The following NEXN variants were observed in gnomAD, a reference collection of about 807,000 sequenced individuals.
NEXN encodes the protein nexilin.
NEXN carries 65 observed loss-of-function variants against 92.6 expected under a neutral mutation model. The ratio of observed to expected loss-of-function variants is 0.70; its 90% CI spans 0.57 to 0.86. The LOEUF (loss-of-function observed/expected upper bound fraction) is 0.86. Among genes scored for constraint, NEXN ranks in the 40% least tolerant of loss-of-function variants. The pLI is 0.00. For synonymous variants in NEXN, 254 were observed against 242.5 expected (o/e 1.05, Z -0.44); for missense variants, 778 against 771.1 (o/e 1.01, Z -0.11).
intron 5 of NEXN, among the ~76,000 whole-genome samples, chr1:77,919,568 CCAG>C (rs1159363733): frequency 6.6e-6 from 1 of 151,520 alleles, no homozygotes; most frequent in Non-Finnish European, 1.5e-5. Context: ...AGTCTGAAAT[CCAG>C]CAGGTCAGTC....
At chr1:77,899,025 G>T (rs369948894) in intron 1 of NEXN, among the ~76,000 whole-genome samples, 65 of 152,252 alleles carry the variant, frequency 4.3e-4, no homozygotes, top group South Asian at 1.2e-3. Context: ...CTGGAGAGGA[G>T]GTGGAGAAAT....
chr1:77,927,596 GTGTGTC>G (rs1203959236), intron 8 of NEXN, among the ~76,000 whole-genome samples: 10 of 145,896 alleles, frequency 6.9e-5, no homozygotes, highest in South Asian at 6.8e-4. Context: ...CTCTGTGTGT[GTGTGTC>G]TGTGTGTGTG....
Position 77,897,482 on chromosome 1 carries a change from A to G in NEXN, c.-53+8723A>G, listed in dbSNP as rs534162600. On this transcript the variant is annotated intron_variant, in intron 1 of 12. Transcript: ENST00000334785. ...CAATGCTTCATGCTAAAAACTCTCA[A>G]TAAATTAGGTATTGATGGGATGTAT... Among the ~76,000 whole-genome samples, 395 of 152,372 alleles carry G rather than the reference A, an allele frequency of 2.6e-3. 1 individual carries two copies. Among genetic ancestry groups the G allele is most frequent in the Non-Finnish European group, 4.3e-3 (290 of 68,044 alleles).
intron 1 of NEXN, among the ~76,000 whole-genome samples, chr1:77,914,419 T>TA (rs548461498): frequency 1.5e-4 from 22 of 149,016 alleles, no homozygotes; most frequent in Non-Finnish European, 3.1e-4. Context: ...TAAACTCTAT[T>TA]AAAAAAAAAG....
At chr1:77,910,757 A>AC (rs1303851831) in intron 1 of NEXN, among the ~76,000 whole-genome samples, 8 of 114,064 alleles carry the variant, frequency 7.0e-5, no homozygotes, top group African/African-American at 2.2e-4. Context: ...TCAAAAAAAA[A>AC]AAAAAAAAAA....
chr1:77,914,513 T>C (rs565207958), intron 1 of NEXN, among the ~76,000 whole-genome samples: 2 of 152,212 alleles, frequency 1.3e-5, no homozygotes, highest in South Asian at 2.1e-4. Flanking sequence ...CCTAAACTCA[T>C]TGATATTAAT....
intron 1 of NEXN, among the ~76,000 whole-genome samples, chr1:77,895,261 G>A (rs778569115): frequency 6.7e-4 from 101 of 151,384 alleles, no homozygotes; most frequent in Non-Finnish European, 1.3e-3. Context: ...TAGCCAGGAT[G>A]GTCTCGATCT....
At chr1:77,922,887 G>A (rs1019129075) in intron 5 of NEXN, among the ~76,000 whole-genome samples, 4 of 151,836 alleles carry the variant, frequency 2.6e-5, no homozygotes, top group Admixed American at 1.3e-4. Flanking sequence ...GAGCCACAGC[G>A]CCTGGCCACA....
intron 11 of NEXN, among the ~76,000 whole-genome samples, chr1:77,937,667 C>T (rs1404253836): frequency 6.6e-6 from 1 of 151,780 alleles, no homozygotes; most frequent in African/African-American, 2.4e-5. Context: ...CTAGCCTTGG[C>T]GACAGAGCGA....
intron 11 of NEXN, among the ~76,000 whole-genome samples, chr1:77,937,955 G>T (rs959035796): frequency 1.3e-5 from 2 of 152,154 alleles, no homozygotes; most frequent in African/African-American, 2.4e-5. Context: ...GGCGGCCTGA[G>T]GATTTGAACT....
intron 1 of NEXN, among the ~76,000 whole-genome samples, chr1:77,899,629 G>A (rs1361158442): frequency 6.6e-6 from 1 of 151,344 alleles, no homozygotes; most frequent in East Asian, 1.9e-4. Context: ...TGCACATTGT[G>A]CACATTAAAA....
intron 6 of NEXN, among the ~76,000 whole-genome samples, chr1:77,926,028 G>C (rs1050451545): frequency 1.3e-5 from 2 of 152,054 alleles, no homozygotes; most frequent in African/African-American, 2.4e-5. Flanking sequence ...AAAATCATAT[G>C]AGGAAACTTT....
rs561366275 is a variant in NEXN at position 77,938,513 on chromosome 1, G to A, written c.1473+2469G>A. On this transcript the variant is annotated intron_variant, in intron 11 of 12. Coordinates refer to ENST00000334785, the MANE Select transcript of NEXN (RefSeq NM_144573.4). The stretch of plus-strand genomic sequence containing the variant: ...AAAATACAAAAATTAGCTGGGCGTG[G>A]TGGCACGGGTCTATAGTCCCAGCTA... Among the ~76,000 whole-genome samples, 11 of 151,540 alleles carry A rather than the reference G, an allele frequency of 7.3e-5. No individual in the cohort carries two copies. In the South Asian group the frequency reaches 2.3e-3, roughly 32 times the overall value.
At chr1:77,900,067 C>A (rs1647575078) in intron 1 of NEXN, among the ~76,000 whole-genome samples, 1 of 152,078 alleles carries the variant, frequency 6.6e-6, no homozygotes, top group South Asian at 2.1e-4. Flanking sequence ...TAGGTAATAT[C>A]TGAACTTTTT....
intron 1 of NEXN, among the ~76,000 whole-genome samples, chr1:77,905,158 A>G (rs2102058405): frequency 6.6e-6 from 1 of 152,048 alleles, no homozygotes; most frequent in South Asian, 2.1e-4. Context: ...GCTACTCAGG[A>G]TGCTGAGGCA....
intron 11 of NEXN, among the ~76,000 whole-genome samples, chr1:77,937,561 T>A (rs770271201): frequency 6.6e-6 from 1 of 150,810 alleles, no homozygotes; most frequent in African/African-American, 2.4e-5. Context: ...TAATGGCGGG[T>A]GCCTATAATC....
In NEXN at chr1:77,933,298, C is replaced by T. The variant is rs754403259; in HGVS notation, c.1070C>T (p.Ser357Phe). The change falls in exon 10 of 13, where the codon TCC becomes TTC. Residue 357 changes from serine to phenylalanine, a missense_variant. This residue lies in a region of NEXN where 532 missense variants were observed against 476.7 expected (regional missense o/e 1.12). Coordinates refer to ENST00000334785, the MANE Select transcript of NEXN (RefSeq NM_144573.4). ...TTTAAATAGGTAGTAGATGATGACT[C>T]CCCAGAGATGTATAAGACAATCTCT... Reference protein sequence around the residue: ...ARRNMVVDDDSPEMYKTISQE... With the variant: ...ARRNMVVDDDFPEMYKTISQE... 5 of 1,597,406 alleles carry T rather than the reference C, an allele frequency of 3.1e-6. No individual in the cohort carries two copies. Among genetic ancestry groups the T allele is most frequent in the Admixed American group, 1.7e-5 (1 of 59,778 alleles).
At chr1:77,899,334 A>G (rs1258622993) in intron 1 of NEXN, among the ~76,000 whole-genome samples, 1 of 152,056 alleles carries the variant, frequency 6.6e-6, no homozygotes, top group Non-Finnish European at 1.5e-5. Context: ...AGCCATAAAA[A>G]ATGATGAGTT....
chr1:77,899,222 G>A (rs1339608283), intron 1 of NEXN, among the ~76,000 whole-genome samples: 7 of 151,862 alleles, frequency 4.6e-5, no homozygotes, highest in African/African-American at 1.2e-4. Context: ...TGTTTATTGC[G>A]ACACTATTCA....
Sources: allele counts gnomAD v4.1 joint callset (sites outside exome capture counted in the v4.1 genomes callset), GRCh38; gene constraint gnomAD v4.1.1; regional missense constraint gnomAD v4.1.1; transcripts MANE v1.5; gene names NCBI Gene and HGNC (gene_info 2026-07-23, HGNC 2026-07-21).